Variants in ADAMTS12 observed in about 807,000 individuals in gnomAD.
ADAMTS12 encodes the protein ADAM metallopeptidase with thrombospondin type 1 motif 12, also known as A disintegrin and metalloproteinase with thrombospondin motifs 12.
Under a neutral mutation model 167.8 loss-of-function variants are expected in ADAMTS12, and 118 were observed. The observed-to-expected ratio is 0.70, with a 90% CI of 0.61 to 0.82. ADAMTS12 has a LOEUF of 0.82. Among genes scored for constraint, ADAMTS12 ranks in the 40% least tolerant of loss-of-function variants. The probability of loss-of-function intolerance (pLI) is 0.00; values close to 1 mark genes in which losing one functional copy is unlikely to be tolerated. For missense variants in ADAMTS12, 1,916 were observed against 1,998.8 expected (o/e 0.96, Z 0.79); for synonymous variants, 704 against 716.9 (o/e 0.98, Z 0.29).
chr5:33,795,609 G>A (rs965394263), intron 2 of ADAMTS12, among the ~76,000 whole-genome samples: 6 of 152,158 alleles, frequency 3.9e-5, no homozygotes, highest in East Asian at 3.9e-4. Context: ...TCAGAGGAGC[G>A]GTGGTGAATG....
chr5:33,652,293 C>A (rs745376701), intron 7 of ADAMTS12, among the ~76,000 whole-genome samples: 1 of 151,972 alleles, frequency 6.6e-6, no homozygotes, highest in Admixed American at 6.6e-5. Context: ...CAATAGCTGT[C>A]CTTTTTTGAT....
intron 2 of ADAMTS12, among the ~76,000 whole-genome samples, chr5:33,823,106 A>AG (rs1747923149): frequency 6.6e-6 from 1 of 151,128 alleles, no homozygotes; most frequent in Non-Finnish European, 1.5e-5. Context: ...AAAAAAAAAA[A>AG]AGAAAGAAAA....
rs914746599 is a variant in ADAMTS12 at position 33,683,013 on chromosome 5, G to A, written c.915+5C>T. On this transcript the variant is annotated splice_donor_5th_base_variant and intron_variant, in intron 5 of 23. Coordinates refer to ENST00000504830, the MANE Select transcript of ADAMTS12 (RefSeq NM_030955.4). ...TAGCAGAAGAGTGAAGGGAAAAAAT[G>A]TTACCTCTTCTTCTTCGAGTAGAAT... 6.2e-7 allele frequency: 1 copy of A among 1,611,176 alleles called. No homozygotes were observed. Among genetic ancestry groups the A allele is most frequent in the Admixed American group, 1.7e-5 (1 of 59,618 alleles).
chr5:33,686,934 T>TAG (rs35347821), intron 3 of ADAMTS12, among the ~76,000 whole-genome samples: 1,537 of 138,460 alleles, frequency 0.011, 16 homozygotes, highest in African/African-American at 0.043. Context: ...TATATATATA[T>TAG]ATAGAGAGAG....
intron 1 of ADAMTS12, among the ~76,000 whole-genome samples, chr5:33,884,659 G>A (rs1161420452): frequency 1.3e-5 from 2 of 152,134 alleles, no homozygotes; most frequent in African/African-American, 2.4e-5. Flanking sequence ...CTCCTCACGT[G>A]CATACTAGGA....
chr5:33,715,835 TG>T (rs1193270316), intron 3 of ADAMTS12, among the ~76,000 whole-genome samples: 2 of 152,152 alleles, frequency 1.3e-5, no homozygotes, highest in East Asian at 3.8e-4. Flanking sequence ...AAGATGACTG[TG>T]TAACCTTTGT....
At chr5:33,730,952 A>T (rs1483978156) in intron 3 of ADAMTS12, among the ~76,000 whole-genome samples, 1 of 152,080 alleles carries the variant, frequency 6.6e-6, no homozygotes, top group African/African-American at 2.4e-5. Flanking sequence ...ACAGACCCGG[A>T]TACAAATCCC....
rs539436182 is a variant in ADAMTS12 at position 33,801,711 on chromosome 5, G to T, written c.490-50163C>A. Among the ~76,000 whole-genome samples, 3 of 152,330 alleles carry T rather than the reference G, an allele frequency of 2.0e-5. No individual in the cohort carries two copies. In the South Asian group the frequency reaches 6.2e-4, roughly 32 times the overall value. ...AAGGTACAAAGGTGAGGGAGTCCCA[G>T]TGCCAGTCACTGAAGAATGAATACT... is the stretch of plus-strand genomic sequence containing the variant. On this transcript the variant is annotated intron_variant, in intron 2 of 23. Transcript: ENST00000504830.
intron 2 of ADAMTS12, among the ~76,000 whole-genome samples, chr5:33,772,332 A>G (rs2112427436): frequency 6.6e-6 from 1 of 152,284 alleles, no homozygotes; most frequent in East Asian, 1.9e-4. Context: ...AGACACTGCC[A>G]TTCATCCTTG....
At chr5:33,527,483 A>G in intron 23 of ADAMTS12, 117 bp from the exon 24 acceptor site, 1 of 982,128 alleles carries the variant, frequency 1.0e-6, no homozygotes, top group Admixed American at 2.7e-5. Context: ...AGCCATAACA[A>G]TTCATAATAG....
chr5:33,726,061 G>A (rs746586590), intron 3 of ADAMTS12, among the ~76,000 whole-genome samples: 1 of 152,236 alleles, frequency 6.6e-6, no homozygotes, highest in Non-Finnish European at 1.5e-5. Context: ...ATTAGTGCCA[G>A]GGCCAGGCCA....
intron 14 of ADAMTS12, among the ~76,000 whole-genome samples, chr5:33,620,286 T>C (rs1739251433): frequency 6.6e-6 from 1 of 152,244 alleles, no homozygotes; most frequent in Non-Finnish European, 1.5e-5. Context: ...CTTGGGAGCA[T>C]TTCCAGCATC....
At chr5:33,671,121 A>G (rs1741677527) in intron 5 of ADAMTS12, among the ~76,000 whole-genome samples, 1 of 152,214 alleles carries the variant, frequency 6.6e-6, no homozygotes, top group Admixed American at 6.5e-5. Flanking sequence ...ATACAGATGT[A>G]TTATCACAGA....
At chr5:33,669,322 A>T (rs887661332) in intron 5 of ADAMTS12, among the ~76,000 whole-genome samples, 5 of 152,128 alleles carry the variant, frequency 3.3e-5, no homozygotes, top group African/African-American at 9.7e-5. Context: ...GTTCCCTAAA[A>T]CTTTTGACAA....
intron 2 of ADAMTS12, among the ~76,000 whole-genome samples, chr5:33,770,838 CCCTCCTCCTCCTCTTCCT>C (rs1481644097): frequency 6.6e-6 from 1 of 150,786 alleles, no homozygotes; most frequent in Non-Finnish European, 1.5e-5. Flanking sequence ...CTTCCTCTTC[CCCTCCTCCTCCTCTTCCT>C]CCTCCTCCTC....
chr5:33,539,658 G>A (rs879508382), intron 22 of ADAMTS12, among the ~76,000 whole-genome samples: 19 of 152,278 alleles, frequency 1.2e-4, no homozygotes, highest in East Asian at 3.9e-4. Flanking sequence ...AGAAGAACAC[G>A]AAAACCGAAG....
chr5:33,885,493 A>G (rs896564577), intron 1 of ADAMTS12, among the ~76,000 whole-genome samples: 15 of 152,194 alleles, frequency 9.9e-5, no homozygotes, highest in Non-Finnish European at 1.6e-4. Context: ...AAAATAATAA[A>G]AAAAAATTGT....
At chr5:33,575,966 T>C in intron 19 of ADAMTS12, 88 bp downstream of exon 19, 1 of 1,506,744 alleles carries the variant, frequency 6.6e-7, no homozygotes, top group Non-Finnish European at 8.9e-7. Context: ...TATATTTTAA[T>C]GCAAACTCAT....
intron 2 of ADAMTS12, among the ~76,000 whole-genome samples, chr5:33,838,350 A>G (rs1354371300): frequency 6.6e-6 from 1 of 152,196 alleles, no homozygotes; most frequent in East Asian, 1.9e-4. Flanking sequence ...AGAGGAATAA[A>G]TGCAGACAAA....
Sources: allele counts gnomAD v4.1 joint callset (sites outside exome capture counted in the v4.1 genomes callset), GRCh38; gene constraint gnomAD v4.1.1; transcripts MANE v1.5; gene names NCBI Gene and HGNC (gene_info 2026-07-23, HGNC 2026-07-21).